The following CLNK variants were observed in gnomAD, a reference collection of about 807,000 sequenced individuals.
CLNK encodes the protein cytokine-dependent hematopoietic cell linker.
CLNK carries 74 observed loss-of-function variants against 68.6 expected under a neutral mutation model. The ratio of observed to expected loss-of-function variants is 1.08; its 90% CI spans 0.89 to 1.31. The LOEUF is 1.31. CLNK is among the 50% of genes most tolerant of loss of function. The probability of loss-of-function intolerance (pLI) is 0.00; values close to 1 mark genes in which losing one functional copy is unlikely to be tolerated. For synonymous variants in CLNK, 198 were observed against 172.2 expected (o/e 1.15, Z -1.17); for missense variants, 553 against 515.3 (o/e 1.07, Z -0.71).
At chr4:10,652,893 T>C (rs1232218831) in intron 2 of CLNK, among the ~76,000 whole-genome samples, 2 of 152,208 alleles carry the variant, frequency 1.3e-5, no homozygotes, top group East Asian at 3.8e-4. Flanking sequence ...CATGCACATG[T>C]ATGTTTATTG....
chr4:10,636,535 T>C (rs1196813860), intron 2 of CLNK, among the ~76,000 whole-genome samples: 1 of 152,204 alleles, frequency 6.6e-6, no homozygotes, highest in African/African-American at 2.4e-5. Context: ...AGTTTGTGGC[T>C]ATTTGTTATG....
intron 5 of CLNK, among the ~76,000 whole-genome samples, chr4:10,567,994 C>T (rs1305823016): frequency 1.3e-5 from 2 of 152,196 alleles, no homozygotes; most frequent in Non-Finnish European, 2.9e-5. Flanking sequence ...GGTACAGCTG[C>T]TGCAGAAAAT....
At chr4:10,665,260 A>G (rs1251951293) in intron 2 of CLNK, among the ~76,000 whole-genome samples, 1 of 152,224 alleles carries the variant, frequency 6.6e-6, no homozygotes, top group African/African-American at 2.4e-5. Context: ...GTGAGAAGCC[A>G]TGTTCAACAG....
At chr4:10,683,272 C>T (rs1725157590) in intron 1 of CLNK, among the ~76,000 whole-genome samples, 1 of 152,196 alleles carries the variant, frequency 6.6e-6, no homozygotes, top group African/African-American at 2.4e-5. Context: ...GATCGAGAAA[C>T]AGAATCCCCT....
the CLNK span, among the ~76,000 whole-genome samples, chr4:10,717,130 T>G: frequency 3.3e-5 from 5 of 152,092 alleles, no homozygotes; most frequent in Admixed American, 2.0e-4. Flanking sequence ...GCTGGGGTAG[T>G]GTGGGAGGAA....
the CLNK span, among the ~76,000 whole-genome samples, chr4:10,695,821 G>T: frequency 6.6e-6 from 1 of 151,496 alleles, no homozygotes; most frequent in African/African-American, 2.4e-5. Context: ...CCCCTGCCTT[G>T]TCTTTGAGAA....
upstream of CLNK, among the ~76,000 whole-genome samples, chr4:10,685,257 T>G (rs1432750104): frequency 6.6e-6 from 1 of 152,136 alleles, no homozygotes. Flanking sequence ...TTGGGCACTT[T>G]GAAGTTTATT....
At chr4:10,490,747 T>G in intron 18 of CLNK, 134 bp from the exon 19 acceptor site, 2 of 696,660 alleles carry the variant, frequency 2.9e-6, no homozygotes, top group Admixed American at 3.2e-5. Context: ...GTAAAGGTGT[T>G]TCAGGAAGTG....
chr4:10,567,443 T>A (rs1720166106), intron 5 of CLNK, among the ~76,000 whole-genome samples: 1 of 152,174 alleles, frequency 6.6e-6, no homozygotes, highest in Non-Finnish European at 1.5e-5. Context: ...TAAGTGCAAA[T>A]GGGCCTTGAA....
intron 18 of CLNK, 39 bp downstream of exon 18, chr4:10,501,217 G>A (rs754323528): frequency 4.0e-6 from 6 of 1,518,266 alleles, no homozygotes; most frequent in African/African-American, 2.9e-5. Flanking sequence ...TATTTGTTGC[G>A]CTTAGCCTGG....
At chr4:10,513,704 G>T in intron 15 of CLNK, 107 bp from the exon 16 acceptor site, 2 of 1,103,816 alleles carry the variant, frequency 1.8e-6, no homozygotes, top group South Asian at 1.9e-5. Context: ...TATCTGTGAG[G>T]ACCTTCTTGG....
At chr4:10,700,877 G>A in the CLNK span, among the ~76,000 whole-genome samples, 1 of 152,090 alleles carries the variant, frequency 6.6e-6, no homozygotes, top group Non-Finnish European at 1.5e-5. Context: ...TCTTATACAT[G>A]TACAAAATGA....
At chr4:10,529,246 A>AT (rs1287496507) in intron 12 of CLNK, among the ~76,000 whole-genome samples, 4 of 152,098 alleles carry the variant, frequency 2.6e-5, no homozygotes, top group South Asian at 2.1e-4. Flanking sequence ...ATGTGCATAT[A>AT]TTTTTTCTTT....
chr4:10,708,169 C>T, the CLNK span, among the ~76,000 whole-genome samples: 1 of 152,130 alleles, frequency 6.6e-6, no homozygotes. Flanking sequence ...GGCTCAAATC[C>T]CATCTATGTG....
intron 16 of CLNK, among the ~76,000 whole-genome samples, chr4:10,512,157 C>A (rs187061938): frequency 1.3e-5 from 2 of 152,128 alleles, no homozygotes; most frequent in Admixed American, 1.3e-4. Flanking sequence ...ACCAAGTGAT[C>A]CCCATGTTTA....
intron 1 of CLNK, among the ~76,000 whole-genome samples, chr4:10,676,667 T>G (rs1403877330): frequency 6.6e-6 from 1 of 152,136 alleles, no homozygotes; most frequent in African/African-American, 2.4e-5. Flanking sequence ...TGCCTGATTC[T>G]GCAGAAAGGG....
intron 12 of CLNK, among the ~76,000 whole-genome samples, 169 bp from the exon 13 acceptor site, chr4:10,528,263 CAA>C (rs1033162453): frequency 1.1e-4 from 16 of 152,068 alleles, no homozygotes; most frequent in Non-Finnish European, 1.8e-4. Context: ...TAAAACTAAA[CAA>C]AAATCAAAAT....
At chr4:10,531,916 A>G (rs1718559587) in intron 12 of CLNK, among the ~76,000 whole-genome samples, 1 of 152,214 alleles carries the variant, frequency 6.6e-6, no homozygotes, top group South Asian at 2.1e-4. Flanking sequence ...CAAATAGCAA[A>G]GTGCAATACC....
intron 2 of CLNK, among the ~76,000 whole-genome samples, chr4:10,646,083 T>C (rs1723500315): frequency 6.6e-6 from 1 of 152,146 alleles, no homozygotes; most frequent in Non-Finnish European, 1.5e-5. Flanking sequence ...AACACCAAAA[T>C]GTTAACAATG....
Sources: allele counts gnomAD v4.1 joint callset (sites outside exome capture counted in the v4.1 genomes callset), GRCh38; gene constraint gnomAD v4.1.1; transcripts MANE v1.5; gene names NCBI Gene and HGNC (gene_info 2026-07-23, HGNC 2026-07-21).